Variants in HHIP observed in about 807,000 individuals in gnomAD.
The protein encoded by HHIP is hedgehog-interacting protein.
A neutral mutation model predicts 74.0 loss-of-function variants in HHIP; 12 were observed. The observed-to-expected ratio is 0.16, with a 90% CI of 0.10 to 0.26. The LOEUF is 0.26. Ranked by LOEUF, HHIP falls within the 10% of genes least tolerant of loss-of-function variation. HHIP has a pLI of 1.00. For synonymous variants in HHIP, 309 were observed against 311.6 expected (o/e 0.99, Z 0.09); for missense variants, 788 against 845.0 (o/e 0.93, Z 0.84).
intron 1 of HHIP, chr4:144,647,285 G>T: frequency 4.0e-6 from 1 of 247,602 alleles, no homozygotes; most frequent in Non-Finnish European, 7.7e-6. Context: ...TGGGGCATTG[G>T]CTGCGGTGAA....
intron 6 of HHIP, among the ~76,000 whole-genome samples, chr4:144,707,584 G>A (rs997804936): frequency 7.6e-5 from 10 of 131,104 alleles, no homozygotes; most frequent in African/African-American, 2.6e-4. Flanking sequence ...ACCGCCCAGC[G>A]AACCTTCCTG....
intron 4 of HHIP, among the ~76,000 whole-genome samples, chr4:144,695,803 C>T (rs140762847): frequency 0.028 from 4,246 of 151,912 alleles, 73 homozygotes; most frequent in Middle Eastern, 0.041. Flanking sequence ...ACACATGCCA[C>T]GTAAATCTCC....
chr4:144,682,951 T>C (rs1181859671), intron 4 of HHIP, among the ~76,000 whole-genome samples: 2 of 152,152 alleles, frequency 1.3e-5, no homozygotes, highest in East Asian at 3.9e-4. Context: ...AAAACAAAGC[T>C]TGGATATATT....
rs533266324 is a variant in HHIP, at chr4:144,682,792, A to G, written c.831+22954A>G. 2.0e-5 allele frequency among the ~76,000 whole-genome samples: 3 copies of G among 152,362 alleles called. No homozygotes were observed. The South Asian group carries it at 6.2e-4, about 32-fold the overall frequency. On this transcript the variant is annotated intron_variant, in intron 4 of 12. Transcript: ENST00000296575. ...TTACGTAGGCAAGGATGTGTGAAAT[A>G]TATTTTTCAAAGATCACTGGCCAAA...
At chr4:144,720,228 A>G (rs1441989890) in intron 11 of HHIP, among the ~76,000 whole-genome samples, 1 of 152,208 alleles carries the variant, frequency 6.6e-6, no homozygotes, top group Non-Finnish European at 1.5e-5. Flanking sequence ...ATAAAATCAG[A>G]CACTTAGGGG....
At chr4:144,711,074 G>A (rs954862624) in intron 7 of HHIP, among the ~76,000 whole-genome samples, 1 of 152,028 alleles carries the variant, frequency 6.6e-6, no homozygotes, top group African/African-American at 2.4e-5. Context: ...TCCTGTCAGT[G>A]GCTTAAGTCA....
chr4:144,651,267 T>C (rs929771583), intron 1 of HHIP, among the ~76,000 whole-genome samples: 1 of 152,128 alleles, frequency 6.6e-6, no homozygotes, highest in South Asian at 2.1e-4. Flanking sequence ...ATAATTGTAA[T>C]TAATAATAAC....
intron 4 of HHIP, among the ~76,000 whole-genome samples, chr4:144,684,929 T>C (rs1465973465): frequency 1.3e-5 from 2 of 152,200 alleles, no homozygotes; most frequent in Non-Finnish European, 2.9e-5. Flanking sequence ...CCCCTGCATA[T>C]ACTGATACTC....
At chr4:144,647,046 G>A (rs962363437) in intron 1 of HHIP, 92 bp downstream of exon 1, 22 of 1,132,692 alleles carry the variant, frequency 1.9e-5, no homozygotes, top group Admixed American at 7.0e-5. Flanking sequence ...TTGTAAGAAG[G>A]TCAAAACTTC....
Position 144,646,418 on chromosome 4 carries a change from C to T in HHIP, c.-258C>T, listed in dbSNP as rs1487803763. 1.4e-5 allele frequency: 6 copies of T among 418,648 alleles called. No individual in the cohort carries two copies. The highest frequency in any genetic ancestry group is 2.1e-5 in the Non-Finnish European group (5 of 235,634). The allele number at this position is 418,648 out of a possible 1,614,324, so 25.9% of individuals were successfully genotyped here. Reference sequence around the variant, plus strand: ...AAGCCCCCAACCCAACTGACACTGGCACAACTGCAAACGGTGTCATCCGCA... The same window carrying T: ...AAGCCCCCAACCCAACTGACACTGGTACAACTGCAAACGGTGTCATCCGCA... On this transcript the variant is annotated 5_prime_UTR_variant, in exon 1 of 13. Coordinates refer to ENST00000296575, the MANE Select transcript of HHIP (RefSeq NM_022475.3).
rs112443642 is a variant in HHIP, at chr4:144,738,495, A to G, written c.*538A>G. The G allele has an allele frequency of 4.1e-3, 4,065 of 981,478 alleles. 130 individuals are homozygous for G. The African/African-American group carries it at 0.066, about 16-fold the overall frequency. 60.8% of individuals were successfully genotyped at this position (981,478 alleles called of 1,614,324 possible). On this transcript the variant is annotated 3_prime_UTR_variant, in exon 13 of 13. Coordinates refer to ENST00000296575, the MANE Select transcript of HHIP (RefSeq NM_022475.3). ...TTGTAATCTTCATTTTTGTCAGTGTATCCAGTTACAGAATGCTACACACTT... is the reference window on the plus strand; with the variant it reads ...TTGTAATCTTCATTTTTGTCAGTGTGTCCAGTTACAGAATGCTACACACTT...
In HHIP at chr4:144,740,206, T is replaced by A. The variant is rs557264054; in HGVS notation, c.*2249T>A. 5.3e-5 allele frequency: 8 copies of A among 152,290 alleles called. No homozygotes were observed. The South Asian group carries it at 1.7e-3, about 32-fold the overall frequency. The allele number at this position is 152,290 out of a possible 1,614,324, so 9.4% of individuals were successfully genotyped here. On this transcript the variant is annotated 3_prime_UTR_variant, in exon 13 of 13. Transcript: ENST00000296575. ...ATATATTCAGTAAAATCTAAAAAAA[T>A]CAAGCATTACTTCTTACATCTTTAA...
chr4:144,685,960 A>G (rs772520481), intron 4 of HHIP, among the ~76,000 whole-genome samples: 13 of 152,166 alleles, frequency 8.5e-5, no homozygotes, highest in Non-Finnish European at 1.8e-4. Context: ...CACCTTCACT[A>G]GGTGACTTAT....
At chr4:144,715,057 G>T in intron 9 of HHIP, 1 of 362,866 alleles carries the variant, frequency 2.8e-6, no homozygotes, top group South Asian at 3.1e-5. Flanking sequence ...GAAGGGGAGG[G>T]CTTTTCTCAT....
chr4:144,646,961 A>G lies in HHIP; in HGVS notation c.279+7A>G. 1 of 1,588,938 alleles carries G rather than the reference A, an allele frequency of 6.3e-7. No homozygotes were observed. Among genetic ancestry groups the G allele is most frequent in the Non-Finnish European group, 8.6e-7 (1 of 1,166,228 alleles). On this transcript the variant is annotated splice_region_variant and intron_variant, in intron 1 of 12. Coordinates refer to ENST00000296575, the MANE Select transcript of HHIP (RefSeq NM_022475.3). ...AGGGCGCCTGGAGAATAAGGTAGGC[A>G]CTCACCGGCTTCACGGATGCGTACT...
chr4:144,735,366 A>C (rs2126692642), intron 12 of HHIP, among the ~76,000 whole-genome samples: 1 of 152,318 alleles, frequency 6.6e-6, no homozygotes, highest in African/African-American at 2.4e-5. Flanking sequence ...TAAAACGGGA[A>C]AATGCAATTA....
chr4:144,693,617 T>G (rs1329004164), intron 4 of HHIP, among the ~76,000 whole-genome samples: 1 of 152,032 alleles, frequency 6.6e-6, no homozygotes, highest in Non-Finnish European at 1.5e-5. Context: ...CCCTTTAGAC[T>G]TTCTTTATAA....
intron 4 of HHIP, among the ~76,000 whole-genome samples, chr4:144,675,942 T>C (rs1349881668): frequency 2.6e-5 from 4 of 152,174 alleles, no homozygotes; most frequent in South Asian, 2.1e-4. Context: ...TAAGCAGTCA[T>C]AGGAGCCATT....
rs182619731 is a variant in HHIP at position 144,682,218 on chromosome 4, G to A, written c.831+22380G>A. 1.2e-4 allele frequency among the ~76,000 whole-genome samples: 18 copies of A among 152,328 alleles called. No individual in the cohort carries two copies. The East Asian group carries it at 2.1e-3, about 18-fold the overall frequency. On this transcript the variant is annotated intron_variant, in intron 4 of 12. Transcript: ENST00000296575. ...GAACTGAGAAGCAGAGGAGGAAGCA[G>A]GAGATTTGCAGGACAGCGAAAACTT...
Sources: gnomAD v4.1 joint callset for allele counts (sites outside exome capture counted in the v4.1 genomes callset) on GRCh38, gnomAD v4.1.1 for gene constraint, MANE v1.5 for transcripts, NCBI Gene and HGNC (gene_info 2026-07-23, HGNC 2026-07-21) for gene names.